Variants in CCDC102B observed in about 807,000 individuals in gnomAD.
CCDC102B encodes coiled-coil domain containing 102B.
A neutral mutation model predicts 57.4 loss-of-function variants in CCDC102B; 75 were observed. The observed-to-expected ratio is 1.31, with a 90% CI of 1.08 to 1.58. The LOEUF (loss-of-function observed/expected upper bound fraction) is 1.58. CCDC102B is among the 40% of genes most tolerant of loss of function. The pLI is 0.00. For missense variants in CCDC102B, 636 were observed against 582.6 expected (o/e 1.09, Z -0.94); for synonymous variants, 206 against 201.9 (o/e 1.02, Z -0.17).
chr18:69,054,793 T>G lies in CCDC102B; in HGVS notation c.*656T>G. ...AAACTAAAAGGACTTTTGACTTTTA[T>G]CTGGATAGACATTTCTACAGTAAAA... On this transcript the variant is annotated 3_prime_UTR_variant, in exon 8 of 8. Transcript: ENST00000360242. 2.0e-6 allele frequency: 2 copies of G among 985,352 alleles called. No homozygotes were observed. The highest frequency in any genetic ancestry group is 2.4e-6 in the Non-Finnish European group (2 of 829,926). The allele number at this position is 985,352 out of a possible 1,614,324, so 61.0% of individuals were successfully genotyped here.
chr18:68,937,952 G>A lies in CCDC102B; in HGVS notation c.1263+40524G>A, dbSNP rs2049287589. Among the ~76,000 whole-genome samples, 4 of 151,960 alleles carry A rather than the reference G, an allele frequency of 2.6e-5. No individual in the cohort carries two copies. The South Asian group carries it at 8.3e-4, about 31-fold the overall frequency. ...GGACATGAACTCATCCTTTTTTATG[G>A]CTGCATAGTATTCCATGGTATATAT... On this transcript the variant is annotated intron_variant, in intron 6 of 7. Transcript: ENST00000360242.
chr18:68,843,255 T>G (rs2037716711), intron 3 of CCDC102B, among the ~76,000 whole-genome samples: 1 of 152,180 alleles, frequency 6.6e-6, no homozygotes, highest in Admixed American at 6.6e-5. Flanking sequence ...TGAACTGTTA[T>G]AAAAATGAAT....
exon 2 of CCDC102B, chr18:68,716,558 A>T (rs1446146998): frequency 2.0e-5 from 3 of 152,176 alleles, no homozygotes; most frequent in Non-Finnish European, 2.9e-5. Context: ...CGATTCAGCT[A>T]TTGGAAAGTT....
At chr18:69,025,329 C>T (rs915627990) in intron 7 of CCDC102B, among the ~76,000 whole-genome samples, 1 of 152,122 alleles carries the variant, frequency 6.6e-6, no homozygotes, top group Non-Finnish European at 1.5e-5. Flanking sequence ...TGATGTTGCT[C>T]AGTAGGAAGT....
At chr18:68,738,239 T>C (rs1165451884) in intron 2 of CCDC102B, among the ~76,000 whole-genome samples, 2 of 152,126 alleles carry the variant, frequency 1.3e-5, no homozygotes, top group African/African-American at 2.4e-5. Context: ...TGAGAATGAG[T>C]TGATCGTATG....
chr18:68,855,764 A>G (rs907330803), intron 4 of CCDC102B, among the ~76,000 whole-genome samples: 1 of 152,172 alleles, frequency 6.6e-6, no homozygotes, highest in Non-Finnish European at 1.5e-5. Context: ...ATCTGCTATG[A>G]TAGCACTTTT....
chr18:68,746,520 TG>T (rs1326142058), intron 2 of CCDC102B, among the ~76,000 whole-genome samples: 1 of 152,128 alleles, frequency 6.6e-6, no homozygotes, highest in Non-Finnish European at 1.5e-5. Context: ...ATAGAATTCC[TG>T]AACAGCGAAA....
chr18:68,780,302 A>C (rs1474341464), intron 2 of CCDC102B, among the ~76,000 whole-genome samples: 3 of 152,124 alleles, frequency 2.0e-5, no homozygotes, highest in Admixed American at 6.6e-5. Flanking sequence ...ATTATGCATA[A>C]TGCTGCTATA....
At chr18:69,048,748 G>A (rs1215612691) in intron 7 of CCDC102B, among the ~76,000 whole-genome samples, 2 of 151,918 alleles carry the variant, frequency 1.3e-5, no homozygotes, top group Admixed American at 1.3e-4. Flanking sequence ...CCTTGGAAGA[G>A]TAACAACTTA....
Position 68,917,538 on chromosome 18 carries a change from G to T in CCDC102B, c.1263+20110G>T, listed in dbSNP as rs547344144. Among the ~76,000 whole-genome samples the T allele has an allele frequency of 3.3e-5, 5 of 152,236 alleles. No individual in the cohort carries two copies. In the South Asian group the frequency reaches 8.3e-4, roughly 25 times the overall value. On this transcript the variant is annotated intron_variant, in intron 6 of 7. Transcript: ENST00000360242. ...TAATAGCTGTACCTTACATCCTGTT[G>T]TTTCTGTCTGTCCAAATTTACTTCC... is the stretch of plus-strand genomic sequence containing the variant.
At chr18:68,854,082 C>T (rs924664825) in intron 4 of CCDC102B, among the ~76,000 whole-genome samples, 1 of 102,906 alleles carries the variant, frequency 9.7e-6, no homozygotes, top group African/African-American at 3.4e-5. Flanking sequence ...TAGCATAATA[C>T]TTTTTCTTGT....
intron 7 of CCDC102B, among the ~76,000 whole-genome samples, chr18:69,011,864 T>TA (rs1029726375): frequency 6.6e-6 from 1 of 152,184 alleles, no homozygotes; most frequent in East Asian, 1.9e-4. Flanking sequence ...CAGTTGGAAA[T>TA]AAAAAAATAA....
At chr18:69,015,928 C>T (rs1372183335) in intron 7 of CCDC102B, among the ~76,000 whole-genome samples, 1 of 151,964 alleles carries the variant, frequency 6.6e-6, no homozygotes, top group Admixed American at 6.6e-5. Context: ...GATCTTGGCT[C>T]ACTGCAAGCT....
intron 4 of CCDC102B, among the ~76,000 whole-genome samples, chr18:68,874,105 G>A (rs566445739): frequency 4.7e-5 from 7 of 149,438 alleles, no homozygotes; most frequent in Non-Finnish European, 4.5e-5. Flanking sequence ...ATTTTCTCTG[G>A]AAATTTATTG....
intron 7 of CCDC102B, among the ~76,000 whole-genome samples, chr18:69,016,001 C>A (rs545389050): frequency 6.7e-6 from 1 of 150,320 alleles, no homozygotes; most frequent in African/African-American, 2.4e-5. Flanking sequence ...ACTACAGGTG[C>A]CCACCACCAT....
Position 69,029,228 on chromosome 18 carries a change from A to G in CCDC102B, c.1434+18124A>G, listed in dbSNP as rs149699774. Among the ~76,000 whole-genome samples, 346 of 152,268 alleles carry G rather than the reference A, an allele frequency of 2.3e-3. 1 individual carries two copies. Among genetic ancestry groups the G allele is most frequent in the Admixed American group, 5.5e-3 (84 of 15,282 alleles). The stretch of plus-strand genomic sequence containing the variant: ...TTTATATATGCATTTATAGACATGT[A>G]TTATCTCTTTCATTAGTCACTGTCC... On this transcript the variant is annotated intron_variant, in intron 7 of 7. Coordinates refer to ENST00000360242, the MANE Select transcript of CCDC102B (RefSeq NM_024781.3).
chr18:68,818,090 CGT>C (rs2036557255), intron 1 of CCDC102B, among the ~76,000 whole-genome samples: 1 of 152,104 alleles, frequency 6.6e-6, no homozygotes, highest in South Asian at 2.1e-4. Context: ...TTTACAACAA[CGT>C]ATTGAGACTC....
intron 2 of CCDC102B, among the ~76,000 whole-genome samples, chr18:68,788,651 C>A (rs1444590472): frequency 1.3e-5 from 2 of 149,024 alleles, no homozygotes; most frequent in Non-Finnish European, 3.0e-5. Context: ...AGGATTGCAA[C>A]CCCTGCCTTT....
At chr18:68,722,406 C>G (rs1031244707) in intron 2 of CCDC102B, among the ~76,000 whole-genome samples, 1 of 152,136 alleles carries the variant, frequency 6.6e-6, no homozygotes, top group Admixed American at 6.5e-5. Context: ...TGCTCCTCAT[C>G]CAGCTTATGA....
Sources: allele counts gnomAD v4.1 joint callset (sites outside exome capture counted in the v4.1 genomes callset), GRCh38; gene constraint gnomAD v4.1.1; transcripts MANE v1.5; gene names NCBI Gene and HGNC (gene_info 2026-07-23, HGNC 2026-07-21).